Variants in NF1 observed in about 807,000 individuals in gnomAD.
NF1 encodes neurofibromin.
Under a neutral mutation model 325.7 loss-of-function variants are expected in NF1, and 122 were observed. That is an observed-to-expected ratio of 0.37 (90% CI 0.32 to 0.44). NF1 has a LOEUF of 0.44. NF1 is among the 20% of genes least tolerant of loss of function. NF1 has a pLI of 1.00. For synonymous variants in NF1, 1,091 were observed against 1,186.0 expected, an observed-to-expected ratio of 0.92 and a Z score of 1.65; for missense variants, 2,140 against 3,415.4, an observed-to-expected ratio of 0.63 and a Z score of 9.31.
intron 39 of NF1, chr17:31,331,159 A>G (rs1274769916): frequency 1.3e-5 from 2 of 152,068 alleles, no homozygotes; most frequent in South Asian, 2.1e-4. Flanking sequence ...TGACTTTTAT[A>G]TATTAGATAA....
At position 31,106,291 on chromosome 17, in the gene NF1, T is replaced by A. The variant is rs559319634; in HGVS notation, c.60+10922T>A. Among the ~76,000 whole-genome samples the A allele has an allele frequency of 3.3e-5, 5 of 152,308 alleles. No homozygotes were observed. In the South Asian group the frequency reaches 1.0e-3, roughly 32 times the overall value. ...CACATCATGGGCTTGTTTAATGACTTAGGTATGAATCTTATATGAAAGGAA... is the reference window on the plus strand; with the variant it reads ...CACATCATGGGCTTGTTTAATGACTAAGGTATGAATCTTATATGAAAGGAA... On this transcript the variant is annotated intron_variant, in intron 1 of 57. Coordinates refer to ENST00000358273, the MANE Select transcript of NF1 (RefSeq NM_001042492.3).
At chr17:31,164,788 C>G (rs190717214) in intron 4 of NF1, among the ~76,000 whole-genome samples, 1 of 152,182 alleles carries the variant, frequency 6.6e-6, no homozygotes, top group East Asian at 1.9e-4. Flanking sequence ...AACCTCAATG[C>G]AATTCTTGAT....
intron 8 of NF1, among the ~76,000 whole-genome samples, chr17:31,195,210 C>T (rs1004407802): frequency 1.3e-5 from 2 of 152,136 alleles, no homozygotes; most frequent in African/African-American, 4.8e-5. Context: ...TTCCTATTCA[C>T]TCTTGACCTT....
At chr17:31,182,781 A>T in intron 8 of NF1, 116 bp downstream of exon 8, 1 of 1,021,558 alleles carries the variant, frequency 9.8e-7, no homozygotes, top group Non-Finnish European at 1.5e-6. Flanking sequence ...AACCATTTAA[A>T]TGATCATTTT....
intron 36 of NF1, among the ~76,000 whole-genome samples, chr17:31,293,209 A>AAAAAAAAAAAAAAAAC: frequency 7.4e-6 from 1 of 134,848 alleles, no homozygotes; most frequent in African/African-American, 3.0e-5. Flanking sequence ...AAAAAAAAAA[A>AAAAAAAAAAAAAAAAC]AAGAAACCTA....
intron 5 of NF1, among the ~76,000 whole-genome samples, chr17:31,176,025 T>G (rs1366349397): frequency 2.6e-5 from 4 of 152,234 alleles, no homozygotes; most frequent in Admixed American, 6.5e-5. Flanking sequence ...TGTAATCCTT[T>G]GGGTATATAC....
intron 57 of NF1, among the ~76,000 whole-genome samples, chr17:31,368,003 G>A (rs989168450): frequency 3.3e-5 from 5 of 151,820 alleles, no homozygotes; most frequent in Non-Finnish European, 7.4e-5. Flanking sequence ...TAAGGACTAA[G>A]ATGAAAAAAT....
At position 31,352,523 on chromosome 17, in the gene NF1, G is replaced by A. The variant is rs188956745; in HGVS notation, c.7615+109G>A. ...AGGATTATCAAAATTTTCCATGTCA[G>A]TGTAGCAAAGTTTTTGATGCCATTT... On this transcript the variant is annotated intron_variant, in intron 51 of 57. Transcript: ENST00000358273. 6.5e-6 allele frequency: 7 copies of A among 1,071,044 alleles called. No individual in the cohort carries two copies. The East Asian group carries it at 1.6e-4, about 25-fold the overall frequency. The allele number at this position is 1,071,044 out of a possible 1,614,324, so 66.3% of individuals were successfully genotyped here.
At chr17:31,264,386 G>T (rs1370206761) in intron 35 of NF1, among the ~76,000 whole-genome samples, 4 of 151,244 alleles carry the variant, frequency 2.6e-5, no homozygotes, top group Middle Eastern at 3.4e-3. Flanking sequence ...ACTCCAGCCT[G>T]GTCAACAAGA....
intron 36 of NF1, among the ~76,000 whole-genome samples, chr17:31,265,589 T>C (rs548111362): frequency 6.6e-6 from 1 of 152,106 alleles, no homozygotes; most frequent in South Asian, 2.1e-4. Flanking sequence ...CTGCCTGCAA[T>C]GGATTAATTA....
intron 39 of NF1, chr17:31,331,709 G>C (rs1409942454): frequency 6.6e-6 from 1 of 151,726 alleles, no homozygotes; most frequent in Non-Finnish European, 1.5e-5. Flanking sequence ...AAGATACCAA[G>C]TATGTTCTGC....
intron 1 of NF1, among the ~76,000 whole-genome samples, chr17:31,154,995 C>T (rs747800188): frequency 2.6e-5 from 4 of 151,952 alleles, no homozygotes; most frequent in East Asian, 1.9e-4. Context: ...ACTTGGCCTC[C>T]GAAAGTGCTG....
chr17:31,261,410 A>G (rs2067683756), intron 34 of NF1, among the ~76,000 whole-genome samples: 1 of 152,122 alleles, frequency 6.6e-6, no homozygotes, highest in African/African-American at 2.4e-5. Context: ...GTTCCTTACA[A>G]AGGAAGAATG....
chr17:31,198,111 A>G (rs894651285), intron 8 of NF1, among the ~76,000 whole-genome samples: 1 of 151,926 alleles, frequency 6.6e-6, no homozygotes, highest in Non-Finnish European at 1.5e-5. Flanking sequence ...TGATTTTTTC[A>G]TTGTTGAATC....
At chr17:31,307,313 CT>C (rs1440525891) in intron 36 of NF1, among the ~76,000 whole-genome samples, 4 of 152,186 alleles carry the variant, frequency 2.6e-5, no homozygotes, top group Non-Finnish European at 5.9e-5. Flanking sequence ...GCCACCACGC[CT>C]GGCCCAATTA....
chr17:31,357,177 A>G (rs1247315236), intron 53 of NF1, 87 bp downstream of exon 53: 3 of 1,593,818 alleles, frequency 1.9e-6, no homozygotes, highest in African/African-American at 2.7e-5. Context: ...AAAAACATGA[A>G]TAGGATACAG....
chr17:31,370,185 A>G (rs1372384699), intron 57 of NF1, among the ~76,000 whole-genome samples: 1 of 152,214 alleles, frequency 6.6e-6, no homozygotes, highest in East Asian at 1.9e-4. Context: ...AAGAATTTAG[A>G]TGAAAAATGA....
intron 57 of NF1, among the ~76,000 whole-genome samples, chr17:31,365,933 ATTT>A (rs1219842483): frequency 1.1e-4 from 15 of 139,976 alleles, no homozygotes; most frequent in African/African-American, 1.3e-4. Context: ...GATCTATTTA[ATTT>A]TTTTTTTTTT....
chr17:31,141,560 G>A (rs775734939), intron 1 of NF1, among the ~76,000 whole-genome samples: 9 of 151,992 alleles, frequency 5.9e-5, no homozygotes, highest in Non-Finnish European at 1.0e-4. Flanking sequence ...GGGAGTAATT[G>A]GTGCTTTCTA....
Sources: allele counts gnomAD v4.1 joint callset (sites outside exome capture counted in the v4.1 genomes callset), GRCh38; gene constraint gnomAD v4.1.1; transcripts MANE v1.5; gene names NCBI Gene and HGNC (gene_info 2026-07-23, HGNC 2026-07-21).